MCUB: variants seen among roughly 807,000 people sequenced by gnomAD.
The protein encoded by MCUB is calcium uniporter regulatory subunit MCUb, mitochondrial.
In MCUB, 46 loss-of-function variants were observed where a neutral mutation model predicts 41.4. That is an observed-to-expected ratio of 1.11 (90% CI 0.88 to 1.42). The LOEUF (loss-of-function observed/expected upper bound fraction) is 1.42, where lower values mean the gene tolerates loss of function less well. MCUB is among the 40% of genes most tolerant of loss of function. The pLI is 0.00. For missense variants in MCUB, 403 were observed against 404.9 expected (o/e 1.00, Z 0.04); for synonymous variants, 148 against 148.2 (o/e 1.00, Z 0.01).
intron 1 of MCUB, among the ~76,000 whole-genome samples, chr4:109,640,790 C>T (rs78829710): frequency 2.6e-5 from 4 of 152,320 alleles, no homozygotes; most frequent in African/African-American, 4.8e-5. Context: ...ACTTTCTAAT[C>T]ATTCGTGTGT....
At chr4:109,620,366 GTACTAATTATAATAAAT>G (rs1252204071) in intron 1 of MCUB, among the ~76,000 whole-genome samples, 1 of 151,556 alleles carries the variant, frequency 6.6e-6, no homozygotes, top group East Asian at 1.9e-4. Flanking sequence ...TCACTGGACA[GTACTAATTATAATAAAT>G]TATTGTATCA....
intron 1 of MCUB, among the ~76,000 whole-genome samples, chr4:109,650,097 G>C (rs1470316968): frequency 6.6e-6 from 1 of 152,226 alleles, no homozygotes; most frequent in African/African-American, 2.4e-5. Flanking sequence ...AGATGGGTTT[G>C]AGGTGAGGTG....
intron 1 of MCUB, among the ~76,000 whole-genome samples, chr4:109,650,615 A>G (rs2126142475): frequency 6.6e-6 from 1 of 152,348 alleles, no homozygotes; most frequent in East Asian, 1.9e-4. Flanking sequence ...TGCAAACTTG[A>G]TGCCAGTTCC....
At chr4:109,631,858 C>G (rs1370155144) in intron 1 of MCUB, among the ~76,000 whole-genome samples, 1 of 152,174 alleles carries the variant, frequency 6.6e-6, no homozygotes, top group Non-Finnish European at 1.5e-5. Context: ...TCCCCACCTG[C>G]AGGCTGTTTC....
At chr4:109,643,494 TTTTTTA>T (rs1339213798) in intron 1 of MCUB, among the ~76,000 whole-genome samples, 2 of 148,482 alleles carry the variant, frequency 1.3e-5, no homozygotes, top group East Asian at 4.1e-4. Flanking sequence ...CTTATTTTAC[TTTTTTA>T]TTTTTATTTA....
intron 1 of MCUB, among the ~76,000 whole-genome samples, chr4:109,584,781 C>G (rs1458277531): frequency 6.6e-6 from 1 of 152,146 alleles, no homozygotes; most frequent in Non-Finnish European, 1.5e-5. Context: ...GTTTCTTAAT[C>G]CTGAGTTCTA....
At chr4:109,589,686 G>GT (rs1462608297) in intron 1 of MCUB, among the ~76,000 whole-genome samples, 2 of 152,158 alleles carry the variant, frequency 1.3e-5, no homozygotes, top group African/African-American at 4.8e-5. Context: ...TCTGGTGATG[G>GT]TTTTTTCTCT....
chr4:109,573,491 G>T (rs142578515), intron 1 of MCUB, among the ~76,000 whole-genome samples: 1 of 151,664 alleles, frequency 6.6e-6, no homozygotes, highest in African/African-American at 2.4e-5. Flanking sequence ...AAACAAAACC[G>T]ATTTAGCAAT....
intron 1 of MCUB, among the ~76,000 whole-genome samples, chr4:109,638,584 G>T (rs1393074772): frequency 6.6e-6 from 1 of 152,018 alleles, no homozygotes; most frequent in African/African-American, 2.4e-5. Flanking sequence ...AGTGGCTGTG[G>T]CAATTCCTTA....
intron 1 of MCUB, among the ~76,000 whole-genome samples, chr4:109,622,318 C>A (rs1409113662): frequency 6.6e-6 from 1 of 152,202 alleles, no homozygotes; most frequent in South Asian, 2.1e-4. Flanking sequence ...TCACTTCACA[C>A]ATCCTGTGGT....
intron 1 of MCUB, among the ~76,000 whole-genome samples, chr4:109,632,040 C>A (rs562043654): frequency 6.6e-6 from 1 of 152,278 alleles, no homozygotes; most frequent in Non-Finnish European, 1.5e-5. Context: ...AATAACCACA[C>A]CCTCTTTGAA....
At chr4:109,664,269 T>A in intron 3 of MCUB, 21 bp from the exon 4 acceptor site, 1 of 1,119,784 alleles carries the variant, frequency 8.9e-7, no homozygotes, top group Non-Finnish European at 1.4e-6. Context: ...GACATGCTCA[T>A]GCATGATGTT....
chr4:109,675,703 G>T (rs533139868), intron 4 of MCUB, among the ~76,000 whole-genome samples: 271 of 152,330 alleles, frequency 1.8e-3, no homozygotes, highest in African/African-American at 5.8e-3. Context: ...GAGGTGTTTG[G>T]CTCATGGGGG....
intron 4 of MCUB, among the ~76,000 whole-genome samples, chr4:109,665,827 G>A (rs916665489): frequency 1.6e-4 from 25 of 151,954 alleles, no homozygotes; most frequent in African/African-American, 4.6e-4. Flanking sequence ...GGGTGGGGGC[G>A]CATGGTAGTA....
chr4:109,656,188 A>G (rs1472748887), intron 1 of MCUB, among the ~76,000 whole-genome samples: 1 of 151,790 alleles, frequency 6.6e-6, no homozygotes, highest in East Asian at 1.9e-4. Flanking sequence ...TAGGAACCTG[A>G]CTCATATGTC....
chr4:109,670,007 A>T (rs548374812), intron 4 of MCUB, among the ~76,000 whole-genome samples: 1 of 152,182 alleles, frequency 6.6e-6, no homozygotes, highest in Non-Finnish European at 1.5e-5. Flanking sequence ...TGTTCCTGCC[A>T]TGTCTGGCTC....
chr4:109,671,406 G>GT (rs1231321796), intron 4 of MCUB, among the ~76,000 whole-genome samples: 1 of 151,688 alleles, frequency 6.6e-6, no homozygotes, highest in African/African-American at 2.4e-5. Context: ...ATTTTGTTAG[G>GT]TTTTTTTTCC....
At chr4:109,625,599 T>C (rs534406748) in intron 1 of MCUB, among the ~76,000 whole-genome samples, 1 of 152,354 alleles carries the variant, frequency 6.6e-6, no homozygotes, top group South Asian at 2.1e-4. Context: ...TTTCAGCTTA[T>C]GATATTTTCA....
chr4:109,668,808 T>G (rs144281500), intron 4 of MCUB, among the ~76,000 whole-genome samples: 298 of 152,216 alleles, frequency 2.0e-3, no homozygotes, highest in African/African-American at 7.0e-3. Flanking sequence ...TTATTTATAC[T>G]TCTTTTTTTA....
Sources: allele counts gnomAD v4.1 joint callset (sites outside exome capture counted in the v4.1 genomes callset), GRCh38; gene constraint gnomAD v4.1.1; transcripts MANE v1.5; gene names NCBI Gene and HGNC (gene_info 2026-07-23, HGNC 2026-07-21).